Variants in PCBP3 observed in about 807,000 individuals in gnomAD.
The protein encoded by PCBP3 is poly(rC)-binding protein 3.
PCBP3 carries 25 observed loss-of-function variants against 52.7 expected under a neutral mutation model. The observed-to-expected ratio is 0.47, with a 90% CI of 0.35 to 0.66. PCBP3 has a LOEUF of 0.66. Among genes scored for constraint, PCBP3 ranks in the 30% least tolerant of loss-of-function variants. The pLI is 0.01. For missense variants in PCBP3, 391 were observed against 490.3 expected, an observed-to-expected ratio of 0.80 and a Z score of 1.91; for synonymous variants, 162 against 183.0, an observed-to-expected ratio of 0.89 and a Z score of 0.93.
At chr21:45,770,210 A>T (rs2089749278) in intron 4 of PCBP3, among the ~76,000 whole-genome samples, 1 of 152,262 alleles carries the variant, frequency 6.6e-6, no homozygotes, top group South Asian at 2.1e-4. Context: ...CAGAAGATTA[A>T]GAATATGGAA....
At chr21:45,901,578 G>A (rs893266535) in intron 9 of PCBP3, 3 of 202,774 alleles carry the variant, frequency 1.5e-5, no homozygotes, top group African/African-American at 6.8e-5. Flanking sequence ...GACAGCTGAT[G>A]TAGCCTTGCT....
At chr21:45,715,894 T>C (rs926447022) in intron 2 of PCBP3, among the ~76,000 whole-genome samples, 1 of 152,162 alleles carries the variant, frequency 6.6e-6, no homozygotes, top group African/African-American at 2.4e-5. Flanking sequence ...CTTATTAGAT[T>C]TGCCAAATTT....
In PCBP3 at chr21:45,799,134, T is replaced by C. The variant is rs114096006; in HGVS notation, c.-126+43682T>C. 5.1e-3 allele frequency among the ~76,000 whole-genome samples: 771 copies of C among 152,284 alleles called. 5 individuals carry two copies. The highest frequency in any genetic ancestry group is 0.018 in the African/African-American group (734 of 41,552). On this transcript the variant is annotated intron_variant, in intron 4 of 17. Transcript: ENST00000681687. ...GTACATGGTTGAATGCGTGGATCTG[T>C]AGAGAGAGTGAAAGTGTGCATGGAC...
At chr21:45,725,758 G>T (rs1480636192) in intron 2 of PCBP3, among the ~76,000 whole-genome samples, 1 of 152,106 alleles carries the variant, frequency 6.6e-6, no homozygotes, top group Non-Finnish European at 1.5e-5. Flanking sequence ...TGGAGGGTGG[G>T]CAAGGGAGGA....
chr21:45,798,886 G>A (rs1306087564), intron 4 of PCBP3, among the ~76,000 whole-genome samples: 4 of 150,836 alleles, frequency 2.7e-5, no homozygotes, highest in African/African-American at 9.8e-5. Flanking sequence ...TAGAGAGAGT[G>A]AATGCGTACA....
intron 4 of PCBP3, among the ~76,000 whole-genome samples, chr21:45,814,935 G>A (rs1183315565): frequency 8.1e-6 from 1 of 123,730 alleles, no homozygotes; most frequent in African/African-American, 3.1e-5. Context: ...GTGGTGAGTA[G>A]TGAGTGATGA....
chr21:45,914,478 T>G (rs1045533493), intron 12 of PCBP3: 1 of 266,728 alleles, frequency 3.7e-6, no homozygotes, highest in Non-Finnish European at 7.0e-6. Context: ...AGCTCTGCAC[T>G]GAGGAAGGAT....
chr21:45,739,586 GCCC>G (rs398036502), intron 3 of PCBP3, among the ~76,000 whole-genome samples: 7 of 27,968 alleles, frequency 2.5e-4, no homozygotes, highest in Non-Finnish European at 2.4e-4. Context: ...TCCTCTGGGT[GCCC>G]CCCCCCATCT....
intron 2 of PCBP3, among the ~76,000 whole-genome samples, chr21:45,713,144 T>C (rs542837818): frequency 5.9e-5 from 9 of 152,210 alleles, no homozygotes; most frequent in Non-Finnish European, 1.0e-4. Flanking sequence ...ATCTAGACTT[T>C]AGGAAATTAC....
At chr21:45,839,589 A>G (rs539631357) in intron 4 of PCBP3, among the ~76,000 whole-genome samples, 4 of 152,036 alleles carry the variant, frequency 2.6e-5, no homozygotes, top group Non-Finnish European at 5.9e-5. Context: ...CTTGGTTCAC[A>G]TTTTTCTCTT....
chr21:45,798,736 A>G (rs998242083), intron 4 of PCBP3, among the ~76,000 whole-genome samples: 1 of 151,996 alleles, frequency 6.6e-6, no homozygotes, highest in Non-Finnish European at 1.5e-5. Context: ...GGATGAATGC[A>G]TGGATCCATA....
At chr21:45,887,905 G>A (rs2148878999) in intron 5 of PCBP3, among the ~76,000 whole-genome samples, 1 of 152,344 alleles carries the variant, frequency 6.6e-6, no homozygotes, top group East Asian at 1.9e-4. Context: ...CCACGGCGAA[G>A]AGAGACGAGC....
At chr21:45,649,369 C>T (rs979820623) in intron 1 of PCBP3, among the ~76,000 whole-genome samples, 3 of 152,162 alleles carry the variant, frequency 2.0e-5, no homozygotes, top group African/African-American at 7.2e-5. Context: ...ACAGCCAAAC[C>T]ATATCAGTCA....
Position 45,928,898 on chromosome 21 carries a change from AG to A in PCBP3, c.718-1017del, listed in dbSNP as rs2149479241. Among the ~76,000 whole-genome samples, 1 of 152,206 alleles carries A rather than the reference AG, an allele frequency of 6.6e-6. No homozygotes were observed. Among genetic ancestry groups the A allele is most frequent in the South Asian group, 2.1e-4 (1 of 4,818 alleles). ...CCCTGCCTGCTGGGCAGCACCACAG[AG>A]GAGCTTTGCCCAGGGTCCTCCTGAG... On this transcript the variant is annotated intron_variant, in intron 13 of 17. Coordinates refer to ENST00000681687, the MANE Select transcript of PCBP3 (RefSeq NM_001384156.1). The surrounding 1 kb of genome is among the most constrained non-coding windows in gnomAD (Gnocchi z 4.1).
rs1396083054 is a variant in PCBP3 at position 45,830,901 on chromosome 21, TGAA to T, written c.-125-19055_-125-19053del. On this transcript the variant is annotated intron_variant, in intron 4 of 17. Transcript: ENST00000681687. The surrounding 1 kb of genome is among the most constrained non-coding windows in gnomAD (Gnocchi z 4.4). ...CCTCCACCTTTGTCCCTGCTGTCTA[TGAA>T]GAAGGAGTGCTGTGCCCTCTGCCCT... 2 of 152,286 alleles carry T rather than the reference TGAA, an allele frequency of 1.3e-5. No individual in the cohort carries two copies. The highest frequency in any genetic ancestry group is 2.9e-5 in the Non-Finnish European group (2 of 68,072). 9.4% of individuals were successfully genotyped at this position (152,286 alleles called of 1,614,324 possible). A position where few individuals can be genotyped will look rare whatever the true frequency, so the allele number is the denominator to read the frequency against.
intron 4 of PCBP3, among the ~76,000 whole-genome samples, chr21:45,801,479 T>C (rs918746107): frequency 1.3e-5 from 2 of 152,214 alleles, no homozygotes; most frequent in Non-Finnish European, 2.9e-5. Context: ...TCAGGTTCCA[T>C]GGCCTTGGTA....
At chr21:45,713,475 C>A (rs1040657253) in intron 2 of PCBP3, among the ~76,000 whole-genome samples, 7 of 152,228 alleles carry the variant, frequency 4.6e-5, no homozygotes, top group East Asian at 1.9e-4. Context: ...TCTGTCCATG[C>A]GGAGTTCTTA....
chr21:45,935,827 G>A (rs1184077632), intron 16 of PCBP3, among the ~76,000 whole-genome samples: 1 of 152,256 alleles, frequency 6.6e-6, no homozygotes, highest in Non-Finnish European at 1.5e-5. Context: ...ACCTGAGGGT[G>A]TGGCCTTACG....
At chr21:45,839,438 A>G (rs1335134606) in intron 4 of PCBP3, among the ~76,000 whole-genome samples, 1 of 152,132 alleles carries the variant, frequency 6.6e-6, no homozygotes, top group African/African-American at 2.4e-5. Flanking sequence ...TTCTCCAATT[A>G]TTTCGTGGTT....
Sources: gnomAD v4.1 joint callset for allele counts (sites outside exome capture counted in the v4.1 genomes callset) on GRCh38, gnomAD v4.1.1 for gene constraint, Gnocchi (gnomAD v3.1) non-coding constraint, MANE v1.5 for transcripts, NCBI Gene and HGNC (gene_info 2026-07-23, HGNC 2026-07-21) for gene names.